BBOF1: variants seen among roughly 807,000 people sequenced by gnomAD.
The protein encoded by BBOF1 is basal body-orientation factor 1.
BBOF1 carries 62 observed loss-of-function variants against 68.0 expected under a neutral mutation model. The ratio of observed to expected loss-of-function variants is 0.91; its 90% CI spans 0.74 to 1.13. The LOEUF is 1.13. Among genes scored for constraint, BBOF1 ranks in the 50% most tolerant of loss-of-function variants. BBOF1 has a pLI of 0.00. For missense variants in BBOF1, 534 were observed against 600.1 expected, an observed-to-expected ratio of 0.89 and a Z score of 1.15; for synonymous variants, 208 against 198.8, an observed-to-expected ratio of 1.05 and a Z score of -0.39.
intron 5 of BBOF1, among the ~76,000 whole-genome samples, chr14:74,043,015 C>G (rs2059862177): frequency 6.6e-6 from 1 of 152,060 alleles, no homozygotes; most frequent in Non-Finnish European, 1.5e-5. Context: ...CAGGGTCTGC[C>G]TCTCCATGTT....
rs1421992122 is a variant in BBOF1 at position 74,049,903 on chromosome 14, C to T, written c.994C>T (p.Gln332Ter). The T allele has an allele frequency of 1.2e-6, 2 of 1,614,020 alleles. No individual in the cohort carries two copies. The highest frequency in any genetic ancestry group is 2.7e-5 in the African/African-American group (2 of 74,920). The change falls in exon 8 of 12, where the codon CAG (glutamine) becomes TAG (stop). Residue 332 changes from glutamine to a stop codon, truncating the protein, a stop_gained. Transcript: ENST00000394009. LOFTEE classifies it high-confidence loss of function. ...AGGTCAGGTAGAAATTGACAAGCTG[C>T]AGCACCTTCTTCAGATGAAGGACAG... is the stretch of plus-strand genomic sequence containing the variant. ...QAGQVEIDKL[Q>*]HLLQMKDREM... is the part of the protein sequence containing the mutation.
At chr14:74,072,151 C>T in intron 9 of BBOF1, 5 of 1,613,410 alleles carry the variant, frequency 3.1e-6, no homozygotes, top group Non-Finnish European at 4.2e-6. Context: ...GTGAGAGTGA[C>T]AAACATGCCC....
At chr14:74,050,570 GT>G (rs1355829825) in intron 8 of BBOF1, among the ~76,000 whole-genome samples, 2 of 151,780 alleles carry the variant, frequency 1.3e-5, no homozygotes, top group Admixed American at 6.6e-5. Flanking sequence ...AAACTTTTTT[GT>G]TTTTTTAAAG....
intron 10 of BBOF1, among the ~76,000 whole-genome samples, chr14:74,079,638 T>A (rs1339678536): frequency 6.6e-6 from 1 of 151,854 alleles, no homozygotes; most frequent in African/African-American, 2.4e-5. Flanking sequence ...TTCACCATGT[T>A]AGCCAGGATG....
chr14:74,060,923 C>T (rs561800047), intron 11 of BBOF1, among the ~76,000 whole-genome samples: 119 of 151,998 alleles, frequency 7.8e-4, no homozygotes, highest in African/African-American at 2.7e-3. Context: ...AACATAATAC[C>T]TGGCAGATAG....
At chr14:74,033,721 A>T (rs2059630277) in intron 3 of BBOF1, among the ~76,000 whole-genome samples, 1 of 152,012 alleles carries the variant, frequency 6.6e-6, no homozygotes. Flanking sequence ...CTAAAAATAT[A>T]AAAAAATCAG....
At chr14:74,072,618 AAAACAAAC>A (rs370924173) in intron 9 of BBOF1, 48 of 1,607,650 alleles carry the variant, frequency 3.0e-5, no homozygotes, top group Middle Eastern at 1.6e-4. Context: ...TTGGCTGAAA[AAAACAAAC>A]AAACAAACAA....
chr14:74,027,217 C>A, intron 2 of BBOF1, among the ~76,000 whole-genome samples: 1 of 150,074 alleles, frequency 6.7e-6, no homozygotes. Flanking sequence ...TCCTGAGTAG[C>A]TGAGACTACA....
intron 2 of BBOF1, among the ~76,000 whole-genome samples, chr14:74,027,553 A>C (rs1181390762): frequency 1.3e-5 from 2 of 151,990 alleles, no homozygotes; most frequent in East Asian, 3.8e-4. Context: ...TGAGGAGGAT[A>C]ATTGCATAGT....
intron 4 of BBOF1, among the ~76,000 whole-genome samples, chr14:74,037,773 G>A (rs2059742117): frequency 6.6e-6 from 1 of 152,016 alleles, no homozygotes; most frequent in African/African-American, 2.4e-5. Flanking sequence ...GACCAACATG[G>A]AGAAGCCCTG....
chr14:74,065,032 C>G lies in BBOF1; in HGVS notation c.*333C>G. On this transcript the variant is annotated 3_prime_UTR_variant, in exon 12 of 12. Transcript: ENST00000394009. ...TACCCACCTTCTACCCTATCCTCTA[C>G]CCCATGAACTTTCATTCCTGAGGAA... 3 of 1,370,050 alleles carry G rather than the reference C, an allele frequency of 2.2e-6. No homozygotes were observed. The South Asian group carries it at 3.6e-5, about 17-fold the overall frequency. The allele number at this position is 1,370,050 out of a possible 1,614,324, so 84.9% of individuals were successfully genotyped here. A position where few individuals can be genotyped will look rare whatever the true frequency, so the allele number is the denominator to read the frequency against.
At chr14:74,061,807 A>C (rs1387437304) in intron 11 of BBOF1, among the ~76,000 whole-genome samples, 1 of 152,188 alleles carries the variant, frequency 6.6e-6, no homozygotes, top group Middle Eastern at 3.2e-3. Flanking sequence ...AGTTTATAAG[A>C]GTAGGCTTGA....
chr14:74,042,911 C>G (rs2059859850), intron 5 of BBOF1, among the ~76,000 whole-genome samples: 1 of 147,280 alleles, frequency 6.8e-6, no homozygotes, highest in Non-Finnish European at 1.5e-5. Context: ...CACACACACA[C>G]TACTGGGAAA....
At chr14:74,027,385 CTTTTT>C (rs35107293) in intron 2 of BBOF1, among the ~76,000 whole-genome samples, 1 of 61,072 alleles carries the variant, frequency 1.6e-5, no homozygotes, top group African/African-American at 7.2e-5. Flanking sequence ...CCTCGCCCAG[CTTTTT>C]TTTTTTTTTT....
chr14:74,075,691 A>G (rs1340472964), intron 9 of BBOF1, among the ~76,000 whole-genome samples: 1 of 152,110 alleles, frequency 6.6e-6, no homozygotes, highest in East Asian at 1.9e-4. Context: ...AAATATAAGT[A>G]ATAGAGTATA....
At chr14:74,057,758 AAG>A in intron 11 of BBOF1, 1 of 1,134,282 alleles carries the variant, frequency 8.8e-7, no homozygotes, top group Non-Finnish European at 1.1e-6. Flanking sequence ...TTAGAACAAA[AAG>A]AAAATACTGA....
chr14:74,041,083 C>T (rs1432845417), intron 5 of BBOF1, among the ~76,000 whole-genome samples: 1 of 152,042 alleles, frequency 6.6e-6, no homozygotes, highest in African/African-American at 2.4e-5. Context: ...TTTGGGAGGC[C>T]GAGGCAGGTG....
intron 10 of BBOF1, among the ~76,000 whole-genome samples, chr14:74,080,194 C>T (rs2060657009): frequency 6.6e-6 from 1 of 152,050 alleles, no homozygotes; most frequent in Admixed American, 6.6e-5. Context: ...ATTCCTCCCT[C>T]TCTCTCTGCA....
At chr14:74,072,899 G>C (rs974459178) in intron 9 of BBOF1, among the ~76,000 whole-genome samples, 1 of 151,480 alleles carries the variant, frequency 6.6e-6, no homozygotes, top group Non-Finnish European at 1.5e-5. Flanking sequence ...TCCCGGGTTC[G>C]AGCAATTCTC....
Sources: gnomAD v4.1 joint callset for allele counts (sites outside exome capture counted in the v4.1 genomes callset) on GRCh38, gnomAD v4.1.1 for gene constraint, MANE v1.5 for transcripts, NCBI Gene and HGNC (gene_info 2026-07-23, HGNC 2026-07-21) for gene names.